The following PDCD2L variants were observed in gnomAD, a reference collection of about 807,000 sequenced individuals.
PDCD2L encodes uS5 assembly chaperone PDCD2L.
PDCD2L carries 44 observed loss-of-function variants against 40.4 expected under a neutral mutation model. The ratio of observed to expected loss-of-function variants is 1.09; its 90% confidence interval spans 0.86 to 1.40. The LOEUF is 1.40. Ranked by LOEUF, PDCD2L falls within the 40% of genes most tolerant of loss-of-function variation. The pLI, the probability that PDCD2L is intolerant of heterozygous loss-of-function variation, is 0.00. For missense variants in PDCD2L, 470 were observed against 453.7 expected (o/e 1.04, Z -0.33); for synonymous variants, 194 against 174.6 (o/e 1.11, Z -0.88).
intron 4 of PDCD2L, among the ~76,000 whole-genome samples, chr19:34,410,169 A>G (rs1468520130): frequency 6.6e-6 from 1 of 152,188 alleles, no homozygotes; most frequent in East Asian, 1.9e-4. Flanking sequence ...GGTGTGATCA[A>G]AGCTCATGCA....
At chr19:34,410,764 T>A (rs4806016) in intron 4 of PDCD2L, among the ~76,000 whole-genome samples, 502 of 5,054 alleles carry the variant, frequency 0.099, 3 homozygotes, top group East Asian at 0.43. Context: ...TTTTTATTTT[T>A]TATTTATTTA....
chr19:34,404,796 A>G lies in PDCD2L; in HGVS notation c.256A>G (p.Ser86Gly), dbSNP rs750801666. The G allele has an allele frequency of 7.5e-6, 12 of 1,605,150 alleles. No homozygotes were observed. The highest frequency in any genetic ancestry group is 8.5e-7 in the Non-Finnish European group (1 of 1,177,324). The change falls in exon 2 of 7, where the codon AGC becomes GGC. Residue 86 changes from serine to glycine, a missense_variant. Ser to Gly is a moderately conservative substitution (Grantham distance 56, BLOSUM62 0). Transcript: ENST00000246535. Reference protein sequence around the residue: ...HVFACACPGCSTGGARSWKVF... With the variant: ...HVFACACPGCGTGGARSWKVF... ...GTTCGCGTGCGCCTGCCCCGGCTGT[A>G]GCACCGGCGGTGCGCGCAGGTAGGC... is the stretch of plus-strand genomic sequence containing the variant.
At chr19:34,409,598 G>C (rs2075093287) in intron 4 of PDCD2L, 88 bp downstream of exon 4, 1 of 1,239,190 alleles carries the variant, frequency 8.1e-7, no homozygotes, top group Non-Finnish European at 1.1e-6. Flanking sequence ...CAGGACCTGG[G>C]GAAACTTTCA....
At chr19:34,421,168 G>A (rs559919560) in intron 5 of PDCD2L, among the ~76,000 whole-genome samples, 3 of 152,180 alleles carry the variant, frequency 2.0e-5, no homozygotes, top group South Asian at 2.1e-4. Flanking sequence ...CCATGGCCTG[G>A]GGGTCCATGG....
At chr19:34,409,567 A>C in intron 4 of PDCD2L, 57 bp downstream of exon 4, 1 of 1,488,804 alleles carries the variant, frequency 6.7e-7, no homozygotes, top group Non-Finnish European at 9.2e-7. Context: ...CAGCCACAAG[A>C]GTTACCCTTC....
At chr19:34,423,545 A>AG (rs2075162729) in intron 6 of PDCD2L, among the ~76,000 whole-genome samples, 1 of 119,222 alleles carries the variant, frequency 8.4e-6, no homozygotes, top group Non-Finnish European at 1.6e-5. Context: ...CCCAGCCTGG[A>AG]GTACAGTGGC....
At chr19:34,425,492 T>TCA (rs1488848922) in intron 6 of PDCD2L, among the ~76,000 whole-genome samples, 1 of 151,780 alleles carries the variant, frequency 6.6e-6, no homozygotes, top group African/African-American at 2.4e-5. Flanking sequence ...TAGTAAAGTC[T>TCA]CACTGTGTTG....
At chr19:34,416,433 C>T (rs2075126713) in intron 5 of PDCD2L, among the ~76,000 whole-genome samples, 1 of 152,140 alleles carries the variant, frequency 6.6e-6, no homozygotes, top group Non-Finnish European at 1.5e-5. Context: ...AGAGCAATTT[C>T]GCCTCCATTC....
At chr19:34,404,891 G>A in intron 2 of PDCD2L, 39 bp from the exon 3 acceptor site, 1 of 1,612,420 alleles carries the variant, frequency 6.2e-7, no homozygotes, top group African/African-American at 1.3e-5. Flanking sequence ...GGCTGGAGTC[G>A]GGGTGCAGCC....
rs558595652 is a variant in PDCD2L at position 34,405,831 on chromosome 19, G to A, written c.336+841G>A. 5.7e-4 allele frequency among the ~76,000 whole-genome samples: 86 copies of A among 152,102 alleles called. 1 individual carries two copies. The highest frequency in any genetic ancestry group is 1.9e-3 in the African/African-American group (80 of 41,504). On this transcript the variant is annotated intron_variant, in intron 3 of 6. Transcript: ENST00000246535. The stretch of plus-strand genomic sequence containing the variant: ...TGAGGCAGGAGAATCGCTTGAACCC[G>A]GGAGACAGAGATTGCAGTGAGCTGA...
rs1271328973 is a variant in PDCD2L at position 34,421,744 on chromosome 19, T to A, written c.946+77T>A. On this transcript the variant is annotated intron_variant, in intron 6 of 6. Coordinates refer to ENST00000246535, the MANE Select transcript of PDCD2L (RefSeq NM_032346.2). ...AATAAATGAAAAACCTTTTGTTTAC[T>A]TATAAAATATCATAAGCAAATTACA... The A allele has an allele frequency of 7.4e-6, 11 of 1,477,490 alleles. No individual in the cohort carries two copies. In the Middle Eastern group the frequency reaches 5.4e-4, roughly 73 times the overall value. The allele number at this position is 1,477,490 out of a possible 1,614,324, so 91.5% of individuals were successfully genotyped here.
chr19:34,404,471 A>G lies in PDCD2L; in HGVS notation c.41A>G (p.Asp14Gly), dbSNP rs953042204. ...AAGCCGGTGCTGCTGGGCCTTCGAG[A>G]TGCGCCGGTGCACGGCAGCCCCACA... Reference protein sequence around the residue: ...VLKPVLLGLRDAPVHGSPTGP... With the variant: ...VLKPVLLGLRGAPVHGSPTGP... The change falls in exon 1 of 7, where the codon GAT becomes GGT. Residue 14 changes from aspartate (D) to glycine (G), a missense_variant. Asp to Gly is a moderately conservative substitution (Grantham distance 94). Coordinates refer to ENST00000246535, the MANE Select transcript of PDCD2L (RefSeq NM_032346.2). The G allele has an allele frequency of 1.3e-6, 2 of 1,544,626 alleles. No homozygotes were observed. Among genetic ancestry groups the G allele is most frequent in the Non-Finnish European group, 1.7e-6 (2 of 1,146,420 alleles).
chr19:34,422,721 C>G (rs1266093487), intron 6 of PDCD2L, among the ~76,000 whole-genome samples: 4 of 146,236 alleles, frequency 2.7e-5, no homozygotes, highest in African/African-American at 1.0e-4. Context: ...TTTTTTTTTC[C>G]TTCTTTTTTC....
At chr19:34,413,686 G>A in intron 4 of PDCD2L, 51 bp from the exon 5 acceptor site, 1 of 1,116,402 alleles carries the variant, frequency 9.0e-7, no homozygotes, top group East Asian at 2.4e-5. Flanking sequence ...TGCAAATGCT[G>A]TAATTTTCTG....
Position 34,404,703 on chromosome 19 carries a change from C to A in PDCD2L, c.163C>A (p.Pro55Thr). The change falls in exon 2 of 7, where the codon CCG (proline) becomes ACG (threonine). Residue 55 changes from proline to threonine, a missense_variant. Transcript: ENST00000246535. ...GCCCGTGTGTCAGCGCTGCGGGCAGCCGCTCGCTCTGGTCGTGCAGGTGTA... is the reference window on the plus strand; with the variant it reads ...GCCCGTGTGTCAGCGCTGCGGGCAGACGCTCGCTCTGGTCGTGCAGGTGTA... ...PRPVCQRCGQ[P>T]LALVVQVYCP... The A allele has an allele frequency of 1.2e-5, 20 of 1,612,160 alleles. No homozygotes were observed. Among genetic ancestry groups the A allele is most frequent in the Non-Finnish European group, 1.5e-5 (18 of 1,179,808 alleles).
At chr19:34,405,107 C>G (rs1599867714) in intron 3 of PDCD2L, 117 bp downstream of exon 3, 2 of 821,988 alleles carry the variant, frequency 2.4e-6, no homozygotes, top group Non-Finnish European at 3.5e-6. Flanking sequence ...GTGTTTTTTG[C>G]TTTTCTGAAG....
chr19:34,405,657 T>C (rs886550323), intron 3 of PDCD2L, among the ~76,000 whole-genome samples: 4 of 150,176 alleles, frequency 2.7e-5, no homozygotes, highest in Non-Finnish European at 5.9e-5. Context: ...TCCCAGCACT[T>C]TGGGAGGCCG....
chr19:34,409,615 A>G, intron 4 of PDCD2L, 105 bp downstream of exon 4: 1 of 978,464 alleles, frequency 1.0e-6, no homozygotes, highest in Non-Finnish European at 1.5e-6. Flanking sequence ...TTCAGGCAGA[A>G]CTTGTATGTA....
chr19:34,410,883 C>G (rs1387631840), intron 4 of PDCD2L, among the ~76,000 whole-genome samples: 2 of 149,310 alleles, frequency 1.3e-5, no homozygotes, highest in Non-Finnish European at 3.0e-5. Flanking sequence ...TTCCTGGGTT[C>G]AAGCAATTTT....
Sources: allele counts gnomAD v4.1 joint callset (sites outside exome capture counted in the v4.1 genomes callset), GRCh38; gene constraint gnomAD v4.1.1; transcripts MANE v1.5; gene names NCBI Gene and HGNC (gene_info 2026-07-23, HGNC 2026-07-21).